The following FOCAD variants were observed in gnomAD, a reference collection of about 807,000 sequenced individuals.
The protein encoded by FOCAD is focadhesin, also known as KIAA1797.
In FOCAD, 198 loss-of-function variants were observed where a neutral mutation model predicts 225.6. That is an observed-to-expected ratio of 0.88 (90% CI 0.78 to 0.99). The LOEUF (loss-of-function observed/expected upper bound fraction) is 0.99, where lower values mean the gene tolerates loss of function less well. Ranked by LOEUF, FOCAD falls within the 50% of genes least tolerant of loss-of-function variation. FOCAD has a pLI of 0.00. For synonymous variants in FOCAD, 897 were observed against 755.0 expected (o/e 1.19, Z -3.08); for missense variants, 2,713 against 2,123.6 (o/e 1.28, Z -5.46).
chr9:20,954,543 A>G (rs574324495), intron 35 of FOCAD, among the ~76,000 whole-genome samples: 30 of 152,230 alleles, frequency 2.0e-4, no homozygotes, highest in Admixed American at 7.9e-4. Flanking sequence ...GCAGACATGA[A>G]TTTTCTCTGA....
intron 10 of FOCAD, among the ~76,000 whole-genome samples, chr9:20,787,569 A>G (rs1820052202): frequency 6.7e-6 from 1 of 150,172 alleles, no homozygotes; most frequent in Admixed American, 6.6e-5. Flanking sequence ...AGCTATATAA[A>G]CTTAGATATT....
Position 20,862,715 on chromosome 9 carries a change from A to G in FOCAD, c.2055+3A>G. On this transcript the variant is annotated splice_donor_region_variant and intron_variant, in intron 16 of 43. Transcript: ENST00000338382. ...CGGTCAATACAACTGAATATGAGGT[A>G]TGCATTTGGAGCTCAGCACATTGCC... 6.2e-7 allele frequency: 1 copy of G among 1,610,242 alleles called. No homozygotes were observed. The highest frequency in any genetic ancestry group is 8.5e-7 in the Non-Finnish European group (1 of 1,178,264).
chr9:20,885,193 G>A lies in FOCAD; in HGVS notation c.2588G>A (p.Arg863Gln), dbSNP rs571695037. 18 of 1,540,574 alleles carry A rather than the reference G, an allele frequency of 1.2e-5. No homozygotes were observed. The highest frequency in any genetic ancestry group is 5.2e-5 in the South Asian group (4 of 76,386). Residue 863 changes from arginine (R) to glutamine (Q), a missense_variant, in exon 21 of 44, where the codon CGA (arginine) becomes CAA (glutamine). Physicochemically the swap from Arg to Gln is conservative, Grantham distance 43. Transcript: ENST00000338382. ...AACAGACTGATGGCCAGCAGAGGGC[G>A]AAGTTTCAAGCAGACTTCACTTGCT... ...PLNRLMASRG[R>Q]SFKQTSLALV...
intron 35 of FOCAD, among the ~76,000 whole-genome samples, chr9:20,956,383 A>G (rs569008966): frequency 2.0e-5 from 3 of 152,356 alleles, no homozygotes; most frequent in Admixed American, 6.5e-5. Context: ...AGAAGTCAGT[A>G]TATCTGTATA....
intron 4 of FOCAD, among the ~76,000 whole-genome samples, chr9:20,727,412 A>G (rs953082615): frequency 6.6e-6 from 1 of 152,226 alleles, no homozygotes; most frequent in Non-Finnish European, 1.5e-5. Context: ...TGTTACTTTT[A>G]TAATGGAAAA....
intron 1 of FOCAD, among the ~76,000 whole-genome samples, chr9:20,699,195 G>T (rs1196745376): frequency 6.6e-6 from 1 of 152,180 alleles, no homozygotes; most frequent in Non-Finnish European, 1.5e-5. Flanking sequence ...CTTTCTATCA[G>T]TTTGGAAGTA....
intron 16 of FOCAD, among the ~76,000 whole-genome samples, chr9:20,863,965 T>G (rs899274945): frequency 1.3e-5 from 2 of 152,096 alleles, no homozygotes; most frequent in African/African-American, 4.8e-5. Flanking sequence ...CTTCCAGATT[T>G]TACATTCTTT....
rs1360596875 is a variant in FOCAD, at chr9:20,835,638, A to G, written c.1920+12523A>G. 3.3e-5 allele frequency among the ~76,000 whole-genome samples: 5 copies of G among 152,086 alleles called. No homozygotes were observed. The East Asian group carries it at 9.7e-4, about 29-fold the overall frequency. On this transcript the variant is annotated intron_variant, in intron 15 of 43. Coordinates refer to ENST00000338382, the MANE Select transcript of FOCAD (RefSeq NM_001375567.1). ...CTAAACAAATTGTCCAGGGTTGGAG[A>G]AGAAATACAGGATGTGCCGAAATTA...
chr9:20,989,968 G>C (rs1841502115), intron 41 of FOCAD, among the ~76,000 whole-genome samples, 155 bp from the exon 42 acceptor site: 1 of 152,232 alleles, frequency 6.6e-6, no homozygotes. Flanking sequence ...TTACTGTTCA[G>C]TTCAGTTCCT....
chr9:20,720,592 A>T, intron 4 of FOCAD, 58 bp downstream of exon 4: 1 of 1,560,538 alleles, frequency 6.4e-7, no homozygotes, highest in South Asian at 1.2e-5. Context: ...AAAAAAATTC[A>T]CTAAATCACT....
chr9:20,842,163 T>C (rs1052689917), intron 15 of FOCAD, among the ~76,000 whole-genome samples: 1 of 151,870 alleles, frequency 6.6e-6, no homozygotes, highest in Non-Finnish European at 1.5e-5. Context: ...ATTTGTGGCC[T>C]AACCTTTGGT....
intron 27 of FOCAD, among the ~76,000 whole-genome samples, chr9:20,930,194 ATTT>A (rs1247849159): frequency 1.1e-4 from 3 of 27,094 alleles, no homozygotes; most frequent in Non-Finnish European, 3.5e-4. Flanking sequence ...TGCTAACTTT[ATTT>A]ACCCTTGAAT....
intron 2 of FOCAD, among the ~76,000 whole-genome samples, chr9:20,674,611 A>G (rs974249017): frequency 1.3e-5 from 2 of 152,220 alleles, no homozygotes; most frequent in African/African-American, 4.8e-5. Context: ...CCACTTTGGA[A>G]CAACTCTCAT....
intron 27 of FOCAD, 24 bp from the exon 28 acceptor site, chr9:20,932,990 T>C: frequency 6.5e-7 from 1 of 1,546,422 alleles, no homozygotes; most frequent in Non-Finnish European, 8.9e-7. Context: ...AATAATTCAT[T>C]GTTTCCCCTT....
Position 20,944,679 on chromosome 9 carries a change from A to G in FOCAD, c.3460A>G (p.Ser1154Gly). The G allele has an allele frequency of 6.2e-7, 1 of 1,614,156 alleles. No individual in the cohort carries two copies. Among genetic ancestry groups the G allele is most frequent in the Non-Finnish European group, 8.5e-7 (1 of 1,179,978 alleles). Reference sequence around the variant, plus strand: ...TGTTCTGTCCCTCATGAGCCACAGCAGCCAAATGCAGTCCCGCGTTCACGT... The same window carrying G: ...TGTTCTGTCCCTCATGAGCCACAGCGGCCAAATGCAGTCCCGCGTTCACGT... ...GLVLSLMSHS[S>G]QMQSRVHVAA... The change falls in exon 29 of 44, where the codon AGC becomes GGC. Residue 1154 changes from serine to glycine, a missense_variant. Ser to Gly is a moderately conservative substitution (Grantham distance 56). Transcript: ENST00000338382.
chr9:20,781,807 C>G lies in FOCAD; in HGVS notation c.1075C>G (p.Leu359Val), dbSNP rs771106211. The G allele has an allele frequency of 2.5e-6, 4 of 1,614,122 alleles. No individual in the cohort carries two copies. The highest frequency in any genetic ancestry group is 2.2e-5 in the South Asian group (2 of 91,088). ...GCTAGTGATGCCAATTCTGCAGATA[C>G]TATCTTCTACTGCCTTGGAAGACTG... ...LLLVMPILQI[L>V]SSTALEDCIS... The change falls in exon 10 of 44, where the codon CTA becomes GTA. Residue 359 changes from leucine to valine, a missense_variant. Coordinates refer to ENST00000338382, the MANE Select transcript of FOCAD (RefSeq NM_001375567.1).
chr9:20,672,973 T>C (rs1307836404), intron 2 of FOCAD, among the ~76,000 whole-genome samples: 1 of 152,236 alleles, frequency 6.6e-6, no homozygotes, highest in Admixed American at 6.5e-5. Context: ...CATCAATTTG[T>C]ATTCATTTTG....
chr9:20,764,884 C>G lies in FOCAD; in HGVS notation c.510C>G (p.Cys170Trp). ...TGTCTTATAGGTTAGAAGTTTCATG[C>G]ATTCAAATAATGGCACCATTTCTGT... ...QQCPERLEVS[C>W]IQIMAPFLWY... The change falls in exon 7 of 44, where the codon TGC becomes TGG. Residue 170 changes from cysteine to tryptophan, a missense_variant. Transcript: ENST00000338382. 3 of 1,613,702 alleles carry G rather than the reference C, an allele frequency of 1.9e-6. No homozygotes were observed. The highest frequency in any genetic ancestry group is 2.5e-6 in the Non-Finnish European group (3 of 1,179,766).
chr9:20,701,228 G>T (rs12339277), intron 1 of FOCAD, among the ~76,000 whole-genome samples: 1,552 of 152,302 alleles, frequency 0.01, 34 homozygotes, highest in African/African-American at 0.036. Flanking sequence ...AACTGAGAAA[G>T]AACATGCATT....
Sources: gnomAD v4.1 joint callset for allele counts (sites outside exome capture counted in the v4.1 genomes callset) on GRCh38, gnomAD v4.1.1 for gene constraint, MANE v1.5 for transcripts, NCBI Gene and HGNC (gene_info 2026-07-23, HGNC 2026-07-21) for gene names.